The following C12orf42 variants were observed in gnomAD, a reference collection of about 807,000 sequenced individuals.
C12orf42 encodes uncharacterized protein C12orf42.
Under a neutral mutation model 21.6 loss-of-function variants are expected in C12orf42, and 25 were observed. The ratio of observed to expected loss-of-function variants is 1.16; its 90% CI spans 0.84 to 1.62. C12orf42 has a LOEUF of 1.62. C12orf42 is among the 40% of genes most tolerant of loss of function. The probability of loss-of-function intolerance (pLI) is 0.00; values close to 1 mark genes in which losing one functional copy is unlikely to be tolerated. For missense variants in C12orf42, 483 were observed against 459.3 expected (o/e 1.05, Z -0.47); for synonymous variants, 174 against 175.0 (o/e 0.99, Z 0.05).
chr12:103,525,785 T>G, the C12orf42 span, among the ~76,000 whole-genome samples: 1 of 152,158 alleles, frequency 6.6e-6, no homozygotes, highest in Admixed American at 6.5e-5. Flanking sequence ...ATCCCAGCAC[T>G]TTGAGAGGCC....
the C12orf42 span, among the ~76,000 whole-genome samples, chr12:103,087,004 A>AT: frequency 6.6e-6 from 1 of 152,216 alleles, no homozygotes; most frequent in South Asian, 2.1e-4. Flanking sequence ...AGGAAATGCC[A>AT]TAAGTTAATT....
chr12:103,531,169 C>A, the C12orf42 span, among the ~76,000 whole-genome samples: 2 of 152,174 alleles, frequency 1.3e-5, no homozygotes, highest in Non-Finnish European at 2.9e-5. Context: ...TCTTTCTCTG[C>A]AATGAAAATT....
At chr12:103,368,317 T>TCTCACACACACA (rs1555271889) in intron 4 of C12orf42, among the ~76,000 whole-genome samples, 3,792 of 146,552 alleles carry the variant, frequency 0.026, 149 homozygotes, top group African/African-American at 0.092. Context: ...TCTCTCTCTC[T>TCTCACACACACA]CACACACACA....
the C12orf42 span, among the ~76,000 whole-genome samples, chr12:103,111,819 C>T: frequency 6.6e-6 from 1 of 152,128 alleles, no homozygotes; most frequent in Non-Finnish European, 1.5e-5. Flanking sequence ...AATTTACCTA[C>T]ATTATCACAA....
chr12:103,057,522 G>A, the C12orf42 span, among the ~76,000 whole-genome samples: 1 of 152,058 alleles, frequency 6.6e-6, no homozygotes, highest in Non-Finnish European at 1.5e-5. Flanking sequence ...CTCTGCAAAG[G>A]ACATGATCTC....
At chr12:103,444,693 A>T (rs1357993872) in intron 2 of C12orf42, among the ~76,000 whole-genome samples, 2 of 152,034 alleles carry the variant, frequency 1.3e-5, no homozygotes, top group Admixed American at 1.3e-4. Context: ...TAGTTTCTCC[A>T]TATAAGATTG....
chr12:103,430,964 G>T lies in C12orf42; in HGVS notation c.79-29289C>A, dbSNP rs529335403. On this transcript the variant is annotated intron_variant, in intron 2 of 5. Transcript: ENST00000548883. The stretch of plus-strand genomic sequence containing the variant: ...AATATCACAAACTGGGGCCTGTTGA[G>T]GGGTAGGGAGATAGGGAAGGGATAG... 1.8e-4 allele frequency among the ~76,000 whole-genome samples: 28 copies of T among 152,270 alleles called. No individual in the cohort carries two copies. In the South Asian group the frequency reaches 3.5e-3, roughly 19 times the overall value.
chr12:103,527,563 A>AGT, the C12orf42 span, among the ~76,000 whole-genome samples: 1 of 152,292 alleles, frequency 6.6e-6, no homozygotes, highest in Admixed American at 6.5e-5. Context: ...TGCTATCATG[A>AGT]GTAGGTTTTT....
the C12orf42 span, among the ~76,000 whole-genome samples, chr12:103,068,955 A>G: frequency 8.6e-5 from 7 of 81,014 alleles, no homozygotes; most frequent in East Asian, 1.2e-3. Context: ...ATATATATAT[A>G]TATATATATA....
At chr12:103,106,262 T>G in the C12orf42 span, among the ~76,000 whole-genome samples, 2 of 152,054 alleles carry the variant, frequency 1.3e-5, no homozygotes, top group Non-Finnish European at 2.9e-5. Context: ...ATGAAATGAC[T>G]GAGCCAGTTT....
the C12orf42 span, among the ~76,000 whole-genome samples, chr12:103,507,086 A>AAT: frequency 0.019 from 223 of 11,672 alleles, 39 homozygotes; most frequent in African/African-American, 0.16. Flanking sequence ...ATTTATATAT[A>AAT]ATATATATTA....
the C12orf42 span, among the ~76,000 whole-genome samples, chr12:103,181,781 T>G: frequency 3.5e-4 from 54 of 152,356 alleles, no homozygotes; most frequent in Middle Eastern, 3.4e-3. Flanking sequence ...ATGGAGATTG[T>G]CTGAAAGATA....
At chr12:103,414,108 G>A (rs756245849) in intron 2 of C12orf42, among the ~76,000 whole-genome samples, 66 of 152,128 alleles carry the variant, frequency 4.3e-4, no homozygotes, top group Non-Finnish European at 6.5e-4. Context: ...CACCAGCAGT[G>A]TAAAAGTGTT....
the C12orf42 span, among the ~76,000 whole-genome samples, chr12:103,111,597 A>T: frequency 6.6e-6 from 1 of 152,236 alleles, no homozygotes; most frequent in Non-Finnish European, 1.5e-5. Flanking sequence ...TGGTAGACAG[A>T]TTCAAAAGCA....
the C12orf42 span, among the ~76,000 whole-genome samples, chr12:103,130,076 G>T: frequency 6.6e-6 from 1 of 151,886 alleles, no homozygotes; most frequent in Non-Finnish European, 1.5e-5. Context: ...AAATATGTTG[G>T]CACCTGGCGT....
the C12orf42 span, among the ~76,000 whole-genome samples, chr12:103,516,842 A>G: frequency 6.6e-6 from 1 of 152,222 alleles, no homozygotes; most frequent in Non-Finnish European, 1.5e-5. Flanking sequence ...ATAAGAAAAC[A>G]TAGTTATTGG....
the C12orf42 span, chr12:103,550,565 CA>C: frequency 1.3e-4 from 20 of 151,984 alleles, no homozygotes; most frequent in African/African-American, 4.3e-4. Context: ...AATTGGATTC[CA>C]AAAAGGTAGT....
chr12:103,211,643 C>T, the C12orf42 span, among the ~76,000 whole-genome samples: 30 of 152,290 alleles, frequency 2.0e-4, no homozygotes, highest in Admixed American at 3.3e-4. Context: ...TTGAGAATCA[C>T]AAGGCTAAGG....
the C12orf42 span, among the ~76,000 whole-genome samples, chr12:103,181,853 A>G: frequency 6.6e-6 from 1 of 152,208 alleles, no homozygotes; most frequent in Non-Finnish European, 1.5e-5. Flanking sequence ...GAGAAAAGCT[A>G]AGACACATTT....
Sources: allele counts gnomAD v4.1 joint callset (sites outside exome capture counted in the v4.1 genomes callset), GRCh38; gene constraint gnomAD v4.1.1; transcripts MANE v1.5; gene names NCBI Gene and HGNC (gene_info 2026-07-23, HGNC 2026-07-21).